Variants in KLF15 observed in about 807,000 individuals in gnomAD.
The protein encoded by KLF15 is KLF transcription factor 15.
A neutral mutation model predicts 24.6 loss-of-function variants in KLF15; 4 were observed. That is an observed-to-expected ratio of 0.16 (90% confidence interval 0.08 to 0.37). KLF15 has a LOEUF of 0.37. Among genes scored for constraint, KLF15 ranks in the 10% least tolerant of loss-of-function variants. The probability of loss-of-function intolerance (pLI) is 1.00; values close to 1 mark genes in which losing one functional copy is unlikely to be tolerated. For synonymous variants in KLF15, 246 were observed against 236.3 expected (o/e 1.04, Z -0.37); for missense variants, 496 against 560.6 (o/e 0.88, Z 1.16).
rs771718701 is a variant in KLF15 at position 126,352,384 on chromosome 3, C to T, written c.539G>A (p.Ser180Asn). The part of the protein sequence containing the change: ...CSQLSAGPHK[S>N]HLHPGSSGRE... ...CCCGCTGGACCCAGGATGGAGGTGG[C>T]TCTTGTGTGGCCCAGCTGAGAGCTG... Residue 180 changes from serine to asparagine, a missense_variant, in exon 2 of 3, where the codon AGC (serine) becomes AAC (asparagine). By Grantham distance (46) the Ser-to-Asn change is conservative (BLOSUM62 1). Around this residue, in one of 3 missense-constraint regions of KLF15, gnomAD observed 399 missense variants for 423.1 expected, o/e 0.94. Transcript: ENST00000296233. The T allele has an allele frequency of 1.2e-6, 2 of 1,612,254 alleles. No individual in the cohort carries two copies. The highest frequency in any genetic ancestry group is 1.7e-6 in the Non-Finnish European group (2 of 1,179,372).
At chr3:126,343,944 C>G in intron 2 of KLF15, 49 bp from the exon 3 acceptor site, 1 of 1,504,062 alleles carries the variant, frequency 6.6e-7, no homozygotes. Context: ...CTGCCCCTGC[C>G]TGCCCCGACC....
the KLF15 span, among the ~76,000 whole-genome samples, chr3:126,317,933 TA>T: frequency 6.6e-6 from 1 of 152,244 alleles, no homozygotes; most frequent in East Asian, 1.9e-4. Flanking sequence ...TTGCCGCCAC[TA>T]ACATACGTTG....
the KLF15 span, among the ~76,000 whole-genome samples, chr3:126,309,605 C>G: frequency 7.2e-5 from 11 of 152,238 alleles, no homozygotes; most frequent in Non-Finnish European, 1.6e-4. Flanking sequence ...AGAGGGCCTA[C>G]AAGAAACGAC....
In KLF15 at chr3:126,343,542, G is replaced by C; in HGVS notation, c.*185C>G. ...GCCCAGCCCCCAGGGACGCGGGTTC[G>C]AGGCTCTAAGTACTCCCGAGAAAGG... On this transcript the variant is annotated 3_prime_UTR_variant, in exon 3 of 3. Coordinates refer to ENST00000296233, the MANE Select transcript of KLF15 (RefSeq NM_014079.4). The C allele has an allele frequency of 1.7e-6, 1 of 587,412 alleles. No individual in the cohort carries two copies. Among genetic ancestry groups the C allele is most frequent in the Non-Finnish European group, 2.9e-6 (1 of 347,460 alleles). The allele number at this position is 587,412 out of a possible 1,614,324, so 36.4% of individuals were successfully genotyped here.
chr3:126,288,767 A>G, the KLF15 span: 2 of 152,274 alleles, frequency 1.3e-5, no homozygotes, highest in Non-Finnish European at 2.9e-5. Flanking sequence ...AAACCTGACA[A>G]CTTCGGAGGT....
chr3:126,341,262 C>T (rs1478649736), downstream of KLF15, among the ~76,000 whole-genome samples: 3 of 152,192 alleles, frequency 2.0e-5, no homozygotes, highest in African/African-American at 4.8e-5. Flanking sequence ...ACACACACTC[C>T]CTGCCACAAG....
At chr3:126,351,764 T>C in intron 2 of KLF15, 77 bp downstream of exon 2, 1 of 988,812 alleles carries the variant, frequency 1.0e-6, no homozygotes, top group Middle Eastern at 3.5e-4. Context: ...TGGTGGAAAA[T>C]GGCCCTGCTG....
Position 126,343,611 on chromosome 3 carries a change from A to G in KLF15, c.*116T>C. On this transcript the variant is annotated 3_prime_UTR_variant, in exon 3 of 3. Coordinates refer to ENST00000296233, the MANE Select transcript of KLF15 (RefSeq NM_014079.4). Reference sequence around the variant, plus strand: ...GGGTTCACACCTCCCAGGCTTCAGAAGGTGGGCTGGTAACATTGCCATGTC... The same window carrying G: ...GGGTTCACACCTCCCAGGCTTCAGAGGGTGGGCTGGTAACATTGCCATGTC... 2 of 1,049,668 alleles carry G rather than the reference A, an allele frequency of 1.9e-6. No homozygotes were observed. Among genetic ancestry groups the G allele is most frequent in the Non-Finnish European group, 1.4e-6 (1 of 718,562 alleles). The allele number at this position is 1,049,668 out of a possible 1,614,324, so 65.0% of individuals were successfully genotyped here.
chr3:126,323,501 TAACTACTATATAACATATATATATA>T, the KLF15 span, among the ~76,000 whole-genome samples: 1 of 88,026 alleles, frequency 1.1e-5, no homozygotes, highest in Non-Finnish European at 2.3e-5. Flanking sequence ...TATATATATA[TAACTACTATATAACATATATATATA>T]AATATGTATG....
the KLF15 span, among the ~76,000 whole-genome samples, chr3:126,322,588 T>C: frequency 6.6e-6 from 1 of 152,238 alleles, no homozygotes; most frequent in Non-Finnish European, 1.5e-5. Flanking sequence ...AAGTCCCTGC[T>C]GCCTTGTAAA....
the KLF15 span, among the ~76,000 whole-genome samples, chr3:126,299,747 CAAAAAAAA>C: frequency 0.011 from 605 of 55,970 alleles, 7 homozygotes; most frequent in African/African-American, 0.046. Context: ...CACTCCATCT[CAAAAAAAA>C]AAAAAAAAAA....
the KLF15 span, among the ~76,000 whole-genome samples, chr3:126,300,326 C>T: frequency 6.6e-6 from 1 of 152,228 alleles, no homozygotes; most frequent in Non-Finnish European, 1.5e-5. Flanking sequence ...AACTGGACCC[C>T]ACCACCTCAC....
the KLF15 span, among the ~76,000 whole-genome samples, chr3:126,298,666 C>T: frequency 6.6e-6 from 1 of 152,074 alleles, no homozygotes; most frequent in African/African-American, 2.4e-5. Flanking sequence ...TATGAGGATC[C>T]AGTTTCATTC....
At chr3:126,315,555 G>C in the KLF15 span, among the ~76,000 whole-genome samples, 83 of 152,242 alleles carry the variant, frequency 5.5e-4, no homozygotes, top group South Asian at 0.016. Flanking sequence ...AGGGAAGTCA[G>C]GGGGGACAGG....
the KLF15 span, among the ~76,000 whole-genome samples, chr3:126,336,157 C>T: frequency 9.5e-6 from 1 of 105,750 alleles, no homozygotes; most frequent in Admixed American, 9.7e-5. Flanking sequence ...AGGCATCACA[C>T]TACCTGACTT....
At chr3:126,299,651 AGGCAGGAGAAT>A in the KLF15 span, among the ~76,000 whole-genome samples, 1 of 145,712 alleles carries the variant, frequency 6.9e-6, no homozygotes, top group East Asian at 2.2e-4. Flanking sequence ...CAGGAGGCTG[AGGCAGGAGAAT>A]GGCATGAACC....
At chr3:126,340,549 G>A (rs2082472119), downstream of KLF15, among the ~76,000 whole-genome samples, 1 of 152,230 alleles carries the variant, frequency 6.6e-6, no homozygotes, top group South Asian at 2.1e-4. Flanking sequence ...GGATTTCTTT[G>A]TTATAGTAGC....
chr3:126,309,224 G>A, the KLF15 span, among the ~76,000 whole-genome samples: 25 of 152,250 alleles, frequency 1.6e-4, no homozygotes, highest in African/African-American at 5.8e-4. Context: ...GGTTAGCTGA[G>A]TAACTCTGGA....
the KLF15 span, among the ~76,000 whole-genome samples, chr3:126,306,980 T>C: frequency 2.0e-5 from 3 of 152,194 alleles, no homozygotes; most frequent in African/African-American, 7.2e-5. Flanking sequence ...GTCCTTGAGT[T>C]CTGCTGGTAC....
Sources: allele counts gnomAD v4.1 joint callset (sites outside exome capture counted in the v4.1 genomes callset), GRCh38; gene constraint gnomAD v4.1.1; regional missense constraint gnomAD v4.1.1; transcripts MANE v1.5; gene names NCBI Gene and HGNC (gene_info 2026-07-23, HGNC 2026-07-21).